The following ENTREP2 variants were observed in gnomAD, a reference collection of about 807,000 sequenced individuals.
ENTREP2 encodes protein ENTREP2.
At chr15:29,190,689 C>T in the ENTREP2 span, among the ~76,000 whole-genome samples, 1 of 152,128 alleles carries the variant, frequency 6.6e-6, no homozygotes, top group South Asian at 2.1e-4. Flanking sequence ...AATCAAAGTG[C>T]TTTGATTCCC....
At chr15:29,601,639 T>C in the ENTREP2 span, among the ~76,000 whole-genome samples, 1 of 152,256 alleles carries the variant, frequency 6.6e-6, no homozygotes, top group Admixed American at 6.5e-5. Context: ...ATTTCTTCTA[T>C]AACTCCATTT....
chr15:29,261,168 A>C, the ENTREP2 span, among the ~76,000 whole-genome samples: 3 of 152,166 alleles, frequency 2.0e-5, no homozygotes, highest in Non-Finnish European at 4.4e-5. Flanking sequence ...TGTGGTAAGG[A>C]GCTCAAGACC....
chr15:29,527,228 C>G, the ENTREP2 span, among the ~76,000 whole-genome samples: 5 of 152,244 alleles, frequency 3.3e-5, no homozygotes, highest in Admixed American at 2.6e-4. Flanking sequence ...CAATGCCATC[C>G]GTATGCACCT....
At chr15:29,153,145 C>CTTT in the ENTREP2 span, among the ~76,000 whole-genome samples, 9 of 147,686 alleles carry the variant, frequency 6.1e-5, no homozygotes, top group African/African-American at 2.2e-4. Flanking sequence ...GTAATGTTTA[C>CTTT]TTTTTTTTTT....
chr15:29,422,250 A>G, the ENTREP2 span, among the ~76,000 whole-genome samples: 1 of 152,048 alleles, frequency 6.6e-6, no homozygotes, highest in Admixed American at 6.5e-5. Flanking sequence ...AGCCTGAGCA[A>G]CAAGAGTGAA....
chr15:29,396,396 G>T, the ENTREP2 span, among the ~76,000 whole-genome samples: 1 of 151,826 alleles, frequency 6.6e-6, no homozygotes, highest in Admixed American at 6.6e-5. Flanking sequence ...ATTTCACTTA[G>T]CATAATGTCC....
At chr15:29,518,518 G>C in the ENTREP2 span, among the ~76,000 whole-genome samples, 1 of 152,128 alleles carries the variant, frequency 6.6e-6, no homozygotes, top group Admixed American at 6.5e-5. Context: ...TGGACATGAG[G>C]AGGGAGAACA....
chr15:29,210,070 G>A, the ENTREP2 span, among the ~76,000 whole-genome samples: 2 of 151,914 alleles, frequency 1.3e-5, no homozygotes, highest in Non-Finnish European at 2.9e-5. Flanking sequence ...GCCCTCCCAG[G>A]GCTAGCTAAT....
At chr15:29,325,595 G>C in the ENTREP2 span, among the ~76,000 whole-genome samples, 1 of 152,214 alleles carries the variant, frequency 6.6e-6, no homozygotes, top group Admixed American at 6.5e-5. Context: ...TAAAGAAACT[G>C]AATCAATAAT....
At chr15:29,536,698 C>T in the ENTREP2 span, among the ~76,000 whole-genome samples, 3 of 151,768 alleles carry the variant, frequency 2.0e-5, no homozygotes, top group African/African-American at 7.3e-5. Context: ...GCAGATTTAA[C>T]CAAATTAAGA....
At chr15:29,264,154 C>CAA in the ENTREP2 span, among the ~76,000 whole-genome samples, 1 of 69,058 alleles carries the variant, frequency 1.4e-5, no homozygotes. Context: ...GACTCCGTCT[C>CAA]AAAAAAAAAA....
At chr15:29,385,947 G>C in the ENTREP2 span, among the ~76,000 whole-genome samples, 23 of 152,266 alleles carry the variant, frequency 1.5e-4, no homozygotes, top group African/African-American at 5.1e-4. Context: ...ACACTGGCAG[G>C]CCACTGACGG....
chr15:29,383,757 C>T, the ENTREP2 span, among the ~76,000 whole-genome samples: 1 of 152,148 alleles, frequency 6.6e-6, no homozygotes, highest in African/African-American at 2.4e-5. Context: ...AGTCTAGTAT[C>T]AAAAACATCT....
At chr15:29,143,407 AC>A in the ENTREP2 span, among the ~76,000 whole-genome samples, 1 of 152,256 alleles carries the variant, frequency 6.6e-6, no homozygotes, top group Non-Finnish European at 1.5e-5. Flanking sequence ...TGGGGCTGAG[AC>A]CCGCACAGTG....
chr15:29,292,880 T>C, the ENTREP2 span, among the ~76,000 whole-genome samples: 525 of 152,300 alleles, frequency 3.4e-3, 2 homozygotes, highest in Middle Eastern at 0.027. Flanking sequence ...TACGTGGTCA[T>C]AAAGAATACC....
At chr15:29,569,288 C>A in the ENTREP2 span, among the ~76,000 whole-genome samples, 1 of 152,176 alleles carries the variant, frequency 6.6e-6, no homozygotes, top group Non-Finnish European at 1.5e-5. Context: ...TTAGGATGAA[C>A]AACCACACCT....
chr15:29,565,854 G>A, the ENTREP2 span, among the ~76,000 whole-genome samples: 7 of 151,926 alleles, frequency 4.6e-5, no homozygotes, highest in South Asian at 2.1e-4. Context: ...CCAGCTACTC[G>A]GGAGGCTGAG....
chr15:29,210,431 CAGCAGG>C, the ENTREP2 span, among the ~76,000 whole-genome samples: 1 of 152,244 alleles, frequency 6.6e-6, no homozygotes, highest in South Asian at 2.1e-4. Context: ...CTGGGTCTCA[CAGCAGG>C]AGGCAAGCAG....
At chr15:29,202,333 G>C in the ENTREP2 span, among the ~76,000 whole-genome samples, 1 of 151,502 alleles carries the variant, frequency 6.6e-6, no homozygotes, top group Admixed American at 6.6e-5. Flanking sequence ...TCTTTATCTA[G>C]TTTCTTTTTT....
Sources: gnomAD v4.1 joint callset for allele counts (sites outside exome capture counted in the v4.1 genomes callset) on GRCh38, gnomAD v4.1.1 for gene constraint, MANE v1.5 for transcripts, NCBI Gene and HGNC (gene_info 2026-07-23, HGNC 2026-07-21) for gene names.